ENTREP2: variants seen among roughly 807,000 people sequenced by gnomAD.
ENTREP2 encodes protein ENTREP2.
chr15:29,584,271 A>T, the ENTREP2 span, among the ~76,000 whole-genome samples: 1 of 152,238 alleles, frequency 6.6e-6, no homozygotes, highest in Admixed American at 6.5e-5. Context: ...ATCTGAAGTG[A>T]TGTTTCTCCA....
At chr15:29,325,974 T>C in the ENTREP2 span, among the ~76,000 whole-genome samples, 4,538 of 152,216 alleles carry the variant, frequency 0.03, 216 homozygotes, top group African/African-American at 0.1. Context: ...ATCAACAGGC[T>C]AATGAGGAAA....
the ENTREP2 span, among the ~76,000 whole-genome samples, chr15:29,354,744 T>A: frequency 1.3e-5 from 2 of 152,010 alleles, no homozygotes; most frequent in African/African-American, 4.8e-5. Flanking sequence ...AAAAGGAGAC[T>A]GCCCCAAAAC....
At chr15:29,513,600 T>C in the ENTREP2 span, among the ~76,000 whole-genome samples, 9,646 of 152,136 alleles carry the variant, frequency 0.063, 360 homozygotes, top group Non-Finnish European at 0.073. Context: ...GAACAGGCAA[T>C]TCTCATTTTA....
the ENTREP2 span, among the ~76,000 whole-genome samples, chr15:29,647,834 C>A: frequency 6.6e-6 from 1 of 152,094 alleles, no homozygotes; most frequent in Non-Finnish European, 1.5e-5. Flanking sequence ...GAAAAATGAC[C>A]ATTTTGCCAA....
the ENTREP2 span, among the ~76,000 whole-genome samples, chr15:29,220,957 G>A: frequency 1.3e-5 from 2 of 152,110 alleles, no homozygotes; most frequent in Non-Finnish European, 2.9e-5. Flanking sequence ...GTAGATCTGA[G>A]TCACAGGCTT....
the ENTREP2 span, among the ~76,000 whole-genome samples, chr15:29,127,270 G>A: frequency 6.6e-6 from 1 of 152,164 alleles, no homozygotes; most frequent in Non-Finnish European, 1.5e-5. Flanking sequence ...AGTGTGATAA[G>A]CTGCTCCTGC....
chr15:29,367,599 C>G, the ENTREP2 span, among the ~76,000 whole-genome samples: 1 of 152,162 alleles, frequency 6.6e-6, no homozygotes, highest in Non-Finnish European at 1.5e-5. Flanking sequence ...ATACAGAGTG[C>G]CACATGCATG....
chr15:29,203,159 T>C, the ENTREP2 span, among the ~76,000 whole-genome samples: 1 of 152,290 alleles, frequency 6.6e-6, no homozygotes, highest in Middle Eastern at 3.4e-3. Flanking sequence ...TCCCGGTACT[T>C]TGGGAGGCCG....
chr15:29,640,445 C>T, the ENTREP2 span, among the ~76,000 whole-genome samples: 1 of 151,994 alleles, frequency 6.6e-6, no homozygotes, highest in East Asian at 1.9e-4. Context: ...ATGGTCTGAG[C>T]TCAGAAGTTT....
At chr15:29,589,917 A>T in the ENTREP2 span, among the ~76,000 whole-genome samples, 76,224 of 151,980 alleles carry the variant, frequency 0.5, 21,540 homozygotes, top group Non-Finnish European at 0.65. Context: ...GTGATGCGTG[A>T]AAAAGCAACT....
At chr15:29,206,096 C>T in the ENTREP2 span, among the ~76,000 whole-genome samples, 5 of 152,280 alleles carry the variant, frequency 3.3e-5, no homozygotes, top group African/African-American at 1.2e-4. Flanking sequence ...TTAACAAATA[C>T]CACAGACGGG....
chr15:29,412,309 T>C, the ENTREP2 span, among the ~76,000 whole-genome samples: 1 of 152,210 alleles, frequency 6.6e-6, no homozygotes, highest in Non-Finnish European at 1.5e-5. Context: ...TTAGATATAG[T>C]TCTAAGTTCC....
the ENTREP2 span, among the ~76,000 whole-genome samples, chr15:29,607,240 T>C: frequency 9.4e-4 from 143 of 152,248 alleles, no homozygotes; most frequent in African/African-American, 3.4e-3. Flanking sequence ...GGAAAACCTA[T>C]TATTCATATG....
the ENTREP2 span, among the ~76,000 whole-genome samples, chr15:29,582,807 AC>A: frequency 5.3e-5 from 8 of 151,950 alleles, no homozygotes; most frequent in African/African-American, 1.9e-4. Context: ...AGGCGCCACC[AC>A]GCCTGGCTGA....
chr15:29,501,190 C>T, the ENTREP2 span, among the ~76,000 whole-genome samples: 1 of 151,980 alleles, frequency 6.6e-6, no homozygotes, highest in Non-Finnish European at 1.5e-5. Flanking sequence ...GGGAATACTT[C>T]GTAATTCATT....
At chr15:29,189,738 T>TAA in the ENTREP2 span, among the ~76,000 whole-genome samples, 2 of 151,388 alleles carry the variant, frequency 1.3e-5, no homozygotes, top group African/African-American at 4.8e-5. Flanking sequence ...TTTTGTAACT[T>TAA]AAAAAAAAAT....
At chr15:29,128,112 C>T in the ENTREP2 span, among the ~76,000 whole-genome samples, 60 of 152,342 alleles carry the variant, frequency 3.9e-4, no homozygotes, top group Admixed American at 7.2e-4. Flanking sequence ...TGTGGGATCA[C>T]ATGAGTTATC....
At chr15:29,227,149 G>A in the ENTREP2 span, among the ~76,000 whole-genome samples, 2 of 152,160 alleles carry the variant, frequency 1.3e-5, no homozygotes, top group Admixed American at 1.3e-4. Flanking sequence ...ATGGGATGTG[G>A]CCCAAGAAAC....
At chr15:29,461,369 C>A in the ENTREP2 span, among the ~76,000 whole-genome samples, 2 of 152,036 alleles carry the variant, frequency 1.3e-5, no homozygotes, top group African/African-American at 4.8e-5. Flanking sequence ...TTTCTGATGG[C>A]CCAAAATATC....
Sources: allele counts gnomAD v4.1 joint callset (sites outside exome capture counted in the v4.1 genomes callset), GRCh38; gene constraint gnomAD v4.1.1; transcripts MANE v1.5; gene names NCBI Gene and HGNC (gene_info 2026-07-23, HGNC 2026-07-21).